The following CEP170B variants were observed in gnomAD, a reference collection of about 807,000 sequenced individuals.
The protein encoded by CEP170B is centrosomal protein of 170 kDa protein B.
A neutral mutation model predicts 120.6 loss-of-function variants in CEP170B; 55 were observed. The observed-to-expected ratio is 0.46, with a 90% CI of 0.37 to 0.57. The LOEUF (loss-of-function observed/expected upper bound fraction) is 0.57, where lower values mean the gene tolerates loss of function less well. Ranked by LOEUF, CEP170B falls within the 20% of genes least tolerant of loss-of-function variation. The pLI, the probability that CEP170B is intolerant of heterozygous loss-of-function variation, is 0.00. For missense variants in CEP170B, 2,212 were observed against 2,253.3 expected (o/e 0.98, Z 0.37); for synonymous variants, 1,033 against 954.5 (o/e 1.08, Z -1.52).
Position 104,880,445 on chromosome 14 carries a change from A to G in CEP170B, c.472+20A>G, listed in dbSNP as rs982814266. ...GAACAGGTAGGCCCAGGCAGTGCGG[A>G]TGGGGTGAGCACACAGGGCCACTGC... On this transcript the variant is annotated intron_variant, in intron 6 of 18. Coordinates refer to ENST00000414716, the MANE Select transcript of CEP170B (RefSeq NM_001112726.3). 3 of 1,608,710 alleles carry G rather than the reference A, an allele frequency of 1.9e-6. No homozygotes were observed. The African/African-American group carries it at 4.0e-5, about 21-fold the overall frequency.
In CEP170B at chr14:104,885,572, G is replaced by A. The variant is rs752183142; in HGVS notation, c.1944+30G>A. On this transcript the variant is annotated intron_variant, in intron 10 of 18. Transcript: ENST00000414716. ...AGGCACAGACGGCCACCCCAAGGAGGGGCTGGGCAGGAAGAGGGCAGCATC... is the reference window on the plus strand; with the variant it reads ...AGGCACAGACGGCCACCCCAAGGAGAGGCTGGGCAGGAAGAGGGCAGCATC... 1.3e-5 allele frequency: 20 copies of A among 1,531,406 alleles called. No homozygotes were observed. The African/African-American group carries it at 2.8e-4, about 21-fold the overall frequency. 94.9% of individuals were successfully genotyped at this position (1,531,406 alleles called of 1,614,324 possible). A position where few individuals can be genotyped will look rare whatever the true frequency, so the allele number is the denominator to read the frequency against.
Position 104,887,503 on chromosome 14 carries a change from C to T in CEP170B, c.3264C>T (p.Ser1088=). The change falls in exon 12 of 19, where the codon TCC becomes TCT. Residue 1088 remains serine, a synonymous_variant. Transcript: ENST00000414716. Reference sequence around the variant, plus strand: ...GGAAACCAGCGGCCCCACCGCCATCCCCAGCTGCCCGGGAGGAGCAGAGCC... The same window carrying T: ...GGAAACCAGCGGCCCCACCGCCATCTCCAGCTGCCCGGGAGGAGCAGAGCC... ...SRRKPAAPPP[S]PAAREEQSRS... is the part of the protein sequence containing the mutation. 2 of 1,611,864 alleles carry T rather than the reference C, an allele frequency of 1.2e-6. No homozygotes were observed. Among genetic ancestry groups the T allele is most frequent in the Non-Finnish European group, 8.5e-7 (1 of 1,179,634 alleles).
chr14:104,869,237 C>T (rs1009238725), intron 2 of CEP170B, among the ~76,000 whole-genome samples: 5 of 152,212 alleles, frequency 3.3e-5, no homozygotes, highest in Admixed American at 6.5e-5. Context: ...TCCTCTACCC[C>T]GTGTGCCTGT....
Position 104,878,806 on chromosome 14 carries a change from G to T in CEP170B, c.333+305G>T, listed in dbSNP as rs558096507. Among the ~76,000 whole-genome samples the T allele has an allele frequency of 1.8e-3, 279 of 152,354 alleles. 3 individuals carry two copies. Among genetic ancestry groups the T allele is most frequent in the African/African-American group, 6.5e-3 (269 of 41,584 alleles). ...CTCTGGGAGGGGCCTGGGAGGAGCC[G>T]GGCTGCATGGTCAGCCTGCTGGAGC... On this transcript the variant is annotated intron_variant, in intron 5 of 18. Coordinates refer to ENST00000414716, the MANE Select transcript of CEP170B (RefSeq NM_001112726.3).
chr14:104,879,386 A>C (rs1397204496), intron 5 of CEP170B, among the ~76,000 whole-genome samples: 1 of 152,128 alleles, frequency 6.6e-6, no homozygotes, highest in African/African-American at 2.4e-5. Context: ...GAGTCCTTCA[A>C]GGTGGCAGGA....
At chr14:104,883,595 G>A (rs1413261603) in intron 8 of CEP170B, 87 bp downstream of exon 8, 1 of 1,350,954 alleles carries the variant, frequency 7.4e-7, no homozygotes. Context: ...CATGCAGAGG[G>A]GCCCATTCAG....
At chr14:104,892,932 G>A (rs779381738) in intron 13 of CEP170B, 44 bp from the exon 14 acceptor site, 67 of 1,548,388 alleles carry the variant, frequency 4.3e-5, no homozygotes, top group Non-Finnish European at 5.3e-5. Context: ...CTGCTGCCCC[G>A]ACTTCCTCTG....
intron 9 of CEP170B, 29 bp from the exon 10 acceptor site, chr14:104,885,340 C>T (rs750842766): frequency 2.9e-5 from 44 of 1,526,422 alleles, no homozygotes; most frequent in South Asian, 1.3e-4. Context: ...CTCTGACCCT[C>T]GGTGCCTGGG....
In CEP170B at chr14:104,883,305, T is replaced by C; in HGVS notation, c.848T>C (p.Ile283Thr). The change falls in exon 8 of 19, where the codon ATC becomes ACC. Residue 283 changes from isoleucine (I) to threonine (T), a missense_variant. Coordinates refer to ENST00000414716, the MANE Select transcript of CEP170B (RefSeq NM_001112726.3). ...FDDCSPGKMK[I>T]KDHITKFSLR... ...GACTGCAGCCCTGGCAAGATGAAGATCAAGGACCATATCACCAAGTTTTCC... is the reference window on the plus strand; with the variant it reads ...GACTGCAGCCCTGGCAAGATGAAGACCAAGGACCATATCACCAAGTTTTCC... 6.2e-7 allele frequency: 1 copy of C among 1,611,888 alleles called. No homozygotes were observed. Among genetic ancestry groups the C allele is most frequent in the Non-Finnish European group, 8.5e-7 (1 of 1,179,680 alleles).
intron 2 of CEP170B, among the ~76,000 whole-genome samples, chr14:104,869,097 C>G (rs1217428580): frequency 2.6e-5 from 4 of 152,196 alleles, no homozygotes; most frequent in Non-Finnish European, 5.9e-5. Context: ...CCGGCACTGA[C>G]AATCGGAAGT....
In CEP170B at chr14:104,887,152, C is replaced by T; in HGVS notation, c.2913C>T (p.Pro971=). Residue 971 remains proline, a synonymous_variant, in exon 12 of 19, where the codon CCC becomes CCT. Transcript: ENST00000414716. ...GCCTGCGTAGTGGCAAGAGCGGGCC[C>T]AGCCCCACAACCCCCCAGCCTCTGC... ...TVSLRSGKSG[P]SPTTPQPLRA... is the part of the protein sequence containing the mutation. 1 of 1,609,372 alleles carries T rather than the reference C, an allele frequency of 6.2e-7. No homozygotes were observed. Among genetic ancestry groups the T allele is most frequent in the Non-Finnish European group, 8.5e-7 (1 of 1,179,728 alleles).
At chr14:104,874,142 G>A (rs558323543) in intron 2 of CEP170B, among the ~76,000 whole-genome samples, 28 of 152,274 alleles carry the variant, frequency 1.8e-4, no homozygotes, top group Admixed American at 1.6e-3. Flanking sequence ...GTCTCAGGAC[G>A]GGCTTCTTGG....
Position 104,876,312 on chromosome 14 carries a change from G to A in CEP170B, c.162G>A (p.Glu54=). The A allele has an allele frequency of 6.4e-7, 1 of 1,550,904 alleles. No individual in the cohort carries two copies. ...TCAACTACGACCAGGACAGGGACGA[G>A]CACTGGGTGAAGGACCTGGGCAGCC... The part of the protein sequence containing the change: ...AVINYDQDRD[E]HWVKDLGSLN... The change falls in exon 3 of 19, where the codon GAG becomes GAA. Residue 54 remains glutamate (E), a synonymous_variant. Coordinates refer to ENST00000414716, the MANE Select transcript of CEP170B (RefSeq NM_001112726.3).
At chr14:104,865,169 C>A (rs1431335190), upstream of CEP170B, 2 of 107,744 alleles carry the variant, frequency 1.9e-5, no homozygotes, top group African/African-American at 3.5e-5. This position sits in a 1 kb window ranked among gnomAD's most constrained non-coding sequence, Gnocchi z 6.7. Flanking sequence ...ACCTGGTTTC[C>A]GGCGGGGCGG....
Position 104,895,109 on chromosome 14 carries a change from C to A in CEP170B, c.*151C>A. The A allele has an allele frequency of 1.2e-6, 1 of 848,256 alleles. No individual in the cohort carries two copies. Among genetic ancestry groups the A allele is most frequent in the Non-Finnish European group, 1.8e-6 (1 of 570,218 alleles). 52.5% of individuals were successfully genotyped at this position (848,256 alleles called of 1,614,324 possible). On this transcript the variant is annotated 3_prime_UTR_variant, in exon 19 of 19. Coordinates refer to ENST00000414716, the MANE Select transcript of CEP170B (RefSeq NM_001112726.3). ...GGCGGGTGCCTCCCACGCCCTTGCC[C>A]CCTCGTCAGCTCCCAGCCAGCACCC...
Position 104,896,669 on chromosome 14 carries a change from GCTGT to G in CEP170B, c.*1714_*1717del, listed in dbSNP as rs1442370107. ...ACATTCGTTCTCAGGTGGTCTTGTGGCTGTCTTTCGGAAAATGGTTATTTTATAT... is the reference window on the plus strand; with the variant it reads ...ACATTCGTTCTCAGGTGGTCTTGTGGCTTTCGGAAAATGGTTATTTTATAT... On this transcript the variant is annotated 3_prime_UTR_variant, in exon 19 of 19. Transcript: ENST00000414716. 1 of 455,960 alleles carries G rather than the reference GCTGT, an allele frequency of 2.2e-6. No individual in the cohort carries two copies. The highest frequency in any genetic ancestry group is 6.9e-5 in the East Asian group (1 of 14,392). The allele number at this position is 455,960 out of a possible 1,614,324, so 28.2% of individuals were successfully genotyped here.
In CEP170B at chr14:104,886,543, C is replaced by T; in HGVS notation, c.2304C>T (p.Ser768=). The T allele has an allele frequency of 6.6e-7, 1 of 1,508,466 alleles. No homozygotes were observed. The highest frequency in any genetic ancestry group is 8.8e-7 in the Non-Finnish European group (1 of 1,132,102). The allele number at this position is 1,508,466 out of a possible 1,614,324, so 93.4% of individuals were successfully genotyped here. A position where few individuals can be genotyped will look rare whatever the true frequency, so the allele number is the denominator to read the frequency against. ...GPEPGVEPQD[S]RRRSPQEGPT... ...AGCCAGGGGTGGAGCCACAGGACAG[C>T]AGACGCAGGAGCCCCCAGGAGGGGC... Residue 768 remains serine (S), a synonymous_variant, in exon 12 of 19, where the codon AGC becomes AGT. Coordinates refer to ENST00000414716, the MANE Select transcript of CEP170B (RefSeq NM_001112726.3).
At chr14:104,866,322 A>G (rs1895204067) in intron 1 of CEP170B, among the ~76,000 whole-genome samples, 1 of 152,144 alleles carries the variant, frequency 6.6e-6, no homozygotes, top group Non-Finnish European at 1.5e-5. Context: ...GCGGCAGGTG[A>G]TGGCAGAGGG....
At chr14:104,876,938 G>A (rs1895883715) in intron 3 of CEP170B, among the ~76,000 whole-genome samples, 1 of 152,228 alleles carries the variant, frequency 6.6e-6, no homozygotes, top group Admixed American at 6.5e-5. Context: ...GGGGTATGGG[G>A]TGGAAGCAGG....
Sources: allele counts gnomAD v4.1 joint callset (sites outside exome capture counted in the v4.1 genomes callset), GRCh38; gene constraint gnomAD v4.1.1; non-coding constraint Gnocchi (gnomAD v3.1); transcripts MANE v1.5; gene names NCBI Gene and HGNC (gene_info 2026-07-23, HGNC 2026-07-21).